Variants in SLC4A10 observed in about 807,000 individuals in gnomAD.
The protein encoded by SLC4A10 is solute carrier family 4 member 10, also known as sodium-driven chloride bicarbonate exchanger.
In SLC4A10, 42 loss-of-function variants were observed where a neutral mutation model predicts 137.7. The ratio of observed to expected loss-of-function variants is 0.30; its 90% CI spans 0.24 to 0.39. The LOEUF (loss-of-function observed/expected upper bound fraction) is 0.39. SLC4A10 is among the 10% of genes least tolerant of loss of function. The probability of loss-of-function intolerance (pLI) is 1.00; values close to 1 mark genes in which losing one functional copy is unlikely to be tolerated. For missense variants in SLC4A10, 925 were observed against 1,355.0 expected (o/e 0.68, Z 4.98); for synonymous variants, 474 against 464.1 (o/e 1.02, Z -0.27).
rs995892005 is a variant in SLC4A10 at position 161,983,294 on chromosome 2, T to C, written c.*142T>C. The C allele has an allele frequency of 2.7e-6, 4 of 1,488,908 alleles. No individual in the cohort carries two copies. In the Admixed American group the frequency reaches 8.1e-5, roughly 30 times the overall value. 92.2% of individuals were successfully genotyped at this position (1,488,908 alleles called of 1,614,324 possible). A position where few individuals can be genotyped will look rare whatever the true frequency, so the allele number is the denominator to read the frequency against. On this transcript the variant is annotated 3_prime_UTR_variant, in exon 27 of 27. Coordinates refer to ENST00000446997, the MANE Select transcript of SLC4A10 (RefSeq NM_001178015.2). Reference sequence around the variant, plus strand: ...CATATATATGAGAAGAGTGTCACAATTATTAATAAAACTGCTTTGATCATG... The same window carrying C: ...CATATATATGAGAAGAGTGTCACAACTATTAATAAAACTGCTTTGATCATG...
chr2:161,870,475 T>C (rs549954531), intron 6 of SLC4A10, among the ~76,000 whole-genome samples: 1 of 151,950 alleles, frequency 6.6e-6, no homozygotes, highest in Admixed American at 6.6e-5. Flanking sequence ...GATATGTGTT[T>C]ATTTAATTTA....
At chr2:161,632,027 T>C (rs2033652187) in intron 1 of SLC4A10, among the ~76,000 whole-genome samples, 1 of 151,704 alleles carries the variant, frequency 6.6e-6, no homozygotes, top group Admixed American at 6.6e-5. Context: ...CCATTGCATA[T>C]TGAATGTGCT....
At chr2:161,635,459 C>T (rs1053390797) in intron 1 of SLC4A10, among the ~76,000 whole-genome samples, 2 of 152,124 alleles carry the variant, frequency 1.3e-5, no homozygotes, top group Non-Finnish European at 2.9e-5. Flanking sequence ...TCTCAAAAAA[C>T]CGATGCTATG....
intron 2 of SLC4A10, among the ~76,000 whole-genome samples, chr2:161,802,161 T>C (rs1357762582): frequency 1.3e-5 from 2 of 152,100 alleles, no homozygotes; most frequent in African/African-American, 4.8e-5. Flanking sequence ...GACAAAAACC[T>C]GAATATAGAA....
intron 6 of SLC4A10, among the ~76,000 whole-genome samples, chr2:161,869,701 C>G (rs550258762): frequency 6.6e-6 from 1 of 151,674 alleles, no homozygotes; most frequent in South Asian, 2.1e-4. Flanking sequence ...AACAAATTAA[C>G]TTACATTTTT....
intron 8 of SLC4A10, among the ~76,000 whole-genome samples, 192 bp from the exon 9 acceptor site, chr2:161,878,939 G>T (rs1416982918): frequency 6.6e-6 from 1 of 152,040 alleles, no homozygotes; most frequent in African/African-American, 2.4e-5. Flanking sequence ...GCTTATTGAT[G>T]ACAAGTTAAA....
At chr2:161,709,682 T>A (rs912894205) in intron 1 of SLC4A10, 1 of 151,630 alleles carries the variant, frequency 6.6e-6, no homozygotes, top group African/African-American at 2.4e-5. Context: ...GTCCATTTTG[T>A]ACTGAAACTC....
chr2:161,796,923 A>AT (rs2054835364), intron 2 of SLC4A10, among the ~76,000 whole-genome samples: 1 of 152,022 alleles, frequency 6.6e-6, no homozygotes, highest in Non-Finnish European at 1.5e-5. Context: ...TTAGTTTTAC[A>AT]TTTTTTTGTT....
At chr2:161,724,360 C>T (rs2046003048) in intron 1 of SLC4A10, among the ~76,000 whole-genome samples, 1 of 152,202 alleles carries the variant, frequency 6.6e-6, no homozygotes, top group Non-Finnish European at 1.5e-5. Context: ...GCTTATTGGT[C>T]ATCTCCTGCC....
intron 1 of SLC4A10, among the ~76,000 whole-genome samples, chr2:161,704,298 C>T (rs542623951): frequency 1.3e-5 from 2 of 151,564 alleles, no homozygotes; most frequent in Non-Finnish European, 3.0e-5. Flanking sequence ...TGAAAGTAAA[C>T]AATCAATCAC....
intron 6 of SLC4A10, among the ~76,000 whole-genome samples, chr2:161,865,962 T>C (rs1474394348): frequency 1.3e-5 from 2 of 151,936 alleles, no homozygotes; most frequent in East Asian, 3.9e-4. Context: ...GCAAAAAGAT[T>C]GACTTTTTTA....
At position 161,890,453 on chromosome 2, in the gene SLC4A10, C is replaced by T. The variant is rs934719806; in HGVS notation, c.1195-4226C>T. 3.2e-4 allele frequency among the ~76,000 whole-genome samples: 49 copies of T among 152,178 alleles called. No homozygotes were observed. The South Asian group carries it at 3.7e-3, about 12-fold the overall frequency. On this transcript the variant is annotated intron_variant, in intron 10 of 26. Coordinates refer to ENST00000446997, the MANE Select transcript of SLC4A10 (RefSeq NM_001178015.2). ...CTCTTTGTAGTTCTCTAAGAACTTG[C>T]TTTATGAATCTGGGTGCTCCTGTAT...
intron 11 of SLC4A10, among the ~76,000 whole-genome samples, chr2:161,896,319 T>C (rs2063502143): frequency 6.6e-6 from 1 of 152,080 alleles, no homozygotes; most frequent in Middle Eastern, 3.4e-3. Context: ...TACTGTAGCC[T>C]TGTAGTATAG....
chr2:161,642,456 A>T (rs2035445449), intron 1 of SLC4A10, among the ~76,000 whole-genome samples: 1 of 152,056 alleles, frequency 6.6e-6, no homozygotes. Context: ...ATAATTTATC[A>T]ATACACATTT....
At chr2:161,669,033 T>C (rs1042659909) in intron 1 of SLC4A10, among the ~76,000 whole-genome samples, 4 of 151,964 alleles carry the variant, frequency 2.6e-5, no homozygotes, top group African/African-American at 9.7e-5. Context: ...TTATTTTATA[T>C]CTGCCTCATG....
rs779699975 is a variant in SLC4A10, at chr2:161,952,436, A to G, written c.2541+1588A>G. 5.3e-5 allele frequency among the ~76,000 whole-genome samples: 8 copies of G among 152,362 alleles called. No individual in the cohort carries two copies. In the South Asian group the frequency reaches 6.2e-4, roughly 12 times the overall value. ...AAAGCATTCTTTAAGTGGTCCTTTCAAGTACTTGCATTTATAGAATTAAAT... is the reference window on the plus strand; with the variant it reads ...AAAGCATTCTTTAAGTGGTCCTTTCGAGTACTTGCATTTATAGAATTAAAT... On this transcript the variant is annotated intron_variant, in intron 19 of 26. Coordinates refer to ENST00000446997, the MANE Select transcript of SLC4A10 (RefSeq NM_001178015.2).
chr2:161,918,958 A>G (rs1200138451), intron 15 of SLC4A10, among the ~76,000 whole-genome samples: 1 of 152,140 alleles, frequency 6.6e-6, no homozygotes, highest in African/African-American at 2.4e-5. Context: ...AGACCCAGGC[A>G]TCCCTGTGCT....
chr2:161,975,183 C>A (rs4340536), intron 24 of SLC4A10, among the ~76,000 whole-genome samples: 1 of 151,920 alleles, frequency 6.6e-6, no homozygotes, highest in African/African-American at 2.4e-5. Flanking sequence ...GGGGGCACAA[C>A]TATAAGATGT....
At chr2:161,739,308 AC>A in intron 1 of SLC4A10, among the ~76,000 whole-genome samples, 1 of 152,142 alleles carries the variant, frequency 6.6e-6, no homozygotes, top group East Asian at 1.9e-4. Context: ...GTGAGCACAC[AC>A]TTTTGAAGGC....
Sources: allele counts gnomAD v4.1 joint callset (sites outside exome capture counted in the v4.1 genomes callset), GRCh38; gene constraint gnomAD v4.1.1; transcripts MANE v1.5; gene names NCBI Gene and HGNC (gene_info 2026-07-23, HGNC 2026-07-21).